TBC1D31: variants seen among roughly 807,000 people sequenced by gnomAD.
The protein encoded by TBC1D31 is WD repeat domain 67.
Under a neutral mutation model 132.9 loss-of-function variants are expected in TBC1D31, and 99 were observed. The observed-to-expected ratio is 0.74, with a 90% CI of 0.63 to 0.88. TBC1D31 has a LOEUF of 0.88. Ranked by LOEUF, TBC1D31 falls within the 40% of genes least tolerant of loss-of-function variation. The probability of loss-of-function intolerance (pLI) is 0.00; values close to 1 mark genes in which losing one functional copy is unlikely to be tolerated. For missense variants in TBC1D31, 1,134 were observed against 1,256.6 expected (o/e 0.90, Z 1.48); for synonymous variants, 385 against 419.4 (o/e 0.92, Z 1.00).
chr8:123,134,102 G>A lies in TBC1D31; in HGVS notation c.2407-12G>A, dbSNP rs771709603. On this transcript the variant is annotated splice_polypyrimidine_tract_variant and intron_variant, in intron 16 of 21. Coordinates refer to ENST00000287380, the MANE Select transcript of TBC1D31 (RefSeq NM_145647.4). ...TTCTTTTTGGTATTTACAGTTTGTT[G>A]TTTGGCCATAGGTATATATGAGAGA... 6 of 1,590,392 alleles carry A rather than the reference G, an allele frequency of 3.8e-6. No individual in the cohort carries two copies. The African/African-American group carries it at 5.4e-5, about 14-fold the overall frequency.
chr8:123,073,537 C>A, intron 1 of TBC1D31: 1 of 374,848 alleles, frequency 2.7e-6, no homozygotes, highest in Non-Finnish European at 5.3e-6. Context: ...TGAGGCTCAG[C>A]CTGTCTTGTT....
intron 20 of TBC1D31, among the ~76,000 whole-genome samples, chr8:123,148,129 A>G (rs529841412): frequency 1.3e-5 from 2 of 151,606 alleles, no homozygotes; most frequent in Non-Finnish European, 3.0e-5. Flanking sequence ...TCCATCTCAA[A>G]AAAAAAAAAA....
chr8:123,102,258 T>C (rs1488921932), intron 7 of TBC1D31: 1 of 456,742 alleles, frequency 2.2e-6, no homozygotes, highest in South Asian at 1.5e-5. Flanking sequence ...AAGAAGTTCG[T>C]GCTCAAAATT....
At chr8:123,140,494 C>G (rs916694432) in intron 17 of TBC1D31, among the ~76,000 whole-genome samples, 13 of 152,164 alleles carry the variant, frequency 8.5e-5, no homozygotes, top group African/African-American at 3.1e-4. Context: ...CCAGATAGCT[C>G]CAAGCCTTTG....
At chr8:123,134,649 G>T (rs1323574948) in intron 17 of TBC1D31, among the ~76,000 whole-genome samples, 1 of 152,182 alleles carries the variant, frequency 6.6e-6, no homozygotes, top group Non-Finnish European at 1.5e-5. Context: ...TGCCACACAG[G>T]ATTGTAAGGT....
intron 4 of TBC1D31, among the ~76,000 whole-genome samples, chr8:123,089,302 G>C (rs753961790): frequency 1.3e-5 from 2 of 152,176 alleles, no homozygotes; most frequent in Non-Finnish European, 2.9e-5. Flanking sequence ...TCAACATTAA[G>C]TGTGATAATC....
At position 123,144,785 on chromosome 8, in the gene TBC1D31, G is replaced by A. The variant is rs137957369; in HGVS notation, c.2904G>A (p.Ala968=). ...AGAAAGCTTCTGCTCTTTCAGATGCGTCTAGAAAGTGGTTTTTAAAGCAAG... is the reference window on the plus strand; with the variant it reads ...AGAAAGCTTCTGCTCTTTCAGATGCATCTAGAAAGTGGTTTTTAAAGCAAG... ...SAKKASALSD[A]SRKWFLKQEI... Residue 968 remains alanine, a synonymous_variant, in exon 20 of 22, where the codon GCG becomes GCA. Transcript: ENST00000287380. 59 of 1,613,770 alleles carry A rather than the reference G, an allele frequency of 3.7e-5. No individual in the cohort carries two copies. In the East Asian group the frequency reaches 4.7e-4, roughly 13 times the overall value.
chr8:123,115,042 A>G (rs1818782140), intron 10 of TBC1D31, among the ~76,000 whole-genome samples: 2 of 152,194 alleles, frequency 1.3e-5, no homozygotes, highest in African/African-American at 4.8e-5. Flanking sequence ...TTTTCAGACA[A>G]TATTATAATA....
At chr8:123,074,323 A>G (rs1814255921) in intron 1 of TBC1D31, among the ~76,000 whole-genome samples, 1 of 152,156 alleles carries the variant, frequency 6.6e-6, no homozygotes, top group South Asian at 2.1e-4. Flanking sequence ...CCTGGCCGAC[A>G]AATCAGTTTT....
At chr8:123,148,256 A>AG (rs1223035951) in intron 20 of TBC1D31, among the ~76,000 whole-genome samples, 5 of 152,206 alleles carry the variant, frequency 3.3e-5, no homozygotes, top group African/African-American at 9.7e-5. Flanking sequence ...GGTAGAAACT[A>AG]GGGAGCTAGA....
chr8:123,126,052 A>G lies in TBC1D31; in HGVS notation c.1571-4A>G, dbSNP rs761769360. ...AGATATGTTTTCTTTTTTTTCCTTC[A>G]TAGTCAATTGGTGTCAACACTGGTT... On this transcript the variant is annotated splice_region_variant and splice_polypyrimidine_tract_variant and intron_variant, in intron 11 of 21. Transcript: ENST00000287380. The G allele has an allele frequency of 2.5e-6, 4 of 1,571,928 alleles. No homozygotes were observed. The highest frequency in any genetic ancestry group is 4.5e-5 in the East Asian group (2 of 44,134).
chr8:123,142,232 T>G, intron 18 of TBC1D31, 30 bp from the exon 19 acceptor site: 1 of 1,517,824 alleles, frequency 6.6e-7, no homozygotes, highest in Non-Finnish European at 8.8e-7. Context: ...TAGTTTGACC[T>G]TGTTTCTGAA....
the TBC1D31 span, among the ~76,000 whole-genome samples, chr8:123,158,619 G>C: frequency 6.6e-6 from 1 of 152,156 alleles, no homozygotes; most frequent in Non-Finnish European, 1.5e-5. Flanking sequence ...AAAATATTGG[G>C]GGTGGAATTT....
downstream of TBC1D31, among the ~76,000 whole-genome samples, chr8:123,155,948 G>A (rs1822974660): frequency 6.6e-6 from 1 of 152,110 alleles, no homozygotes. This position sits in a 1 kb window ranked among gnomAD's most constrained non-coding sequence, Gnocchi z 4.1. Context: ...GGTGAATAGG[G>A]CCATGAAACC....
intron 10 of TBC1D31, among the ~76,000 whole-genome samples, chr8:123,113,886 G>A (rs1450460360): frequency 2.6e-5 from 4 of 152,152 alleles, no homozygotes; most frequent in African/African-American, 7.2e-5. Context: ...ATTTAAGGGC[G>A]ATAACCAAAT....
intron 15 of TBC1D31, 116 bp from the exon 16 acceptor site, chr8:123,130,082 T>G: frequency 9.3e-7 from 1 of 1,075,386 alleles, no homozygotes; most frequent in Non-Finnish European, 1.3e-6. Context: ...CATTCTTCTT[T>G]CAAATAAAGG....
chr8:123,101,524 C>T (rs550967756), intron 7 of TBC1D31, among the ~76,000 whole-genome samples: 2 of 152,266 alleles, frequency 1.3e-5, no homozygotes, highest in African/African-American at 4.8e-5. Flanking sequence ...AAGTGATTCT[C>T]CTGCCTCAGC....
At chr8:123,097,232 G>A (rs1206103394) in intron 5 of TBC1D31, 50 bp from the exon 6 acceptor site, 1 of 1,603,818 alleles carries the variant, frequency 6.2e-7, no homozygotes, top group Admixed American at 1.7e-5. Context: ...GGACAGTGCT[G>A]CTACAAACAA....
At chr8:123,078,440 G>C (rs1183994510) in intron 2 of TBC1D31, among the ~76,000 whole-genome samples, 1 of 152,170 alleles carries the variant, frequency 6.6e-6, no homozygotes, top group African/African-American at 2.4e-5. Context: ...GCACTAAATA[G>C]AGGTATGTAC....
Sources: gnomAD v4.1 joint callset for allele counts (sites outside exome capture counted in the v4.1 genomes callset) on GRCh38, gnomAD v4.1.1 for gene constraint, Gnocchi (gnomAD v3.1) non-coding constraint, MANE v1.5 for transcripts, NCBI Gene and HGNC (gene_info 2026-07-23, HGNC 2026-07-21) for gene names.